ARHGAP20: variants seen among roughly 807,000 people sequenced by gnomAD.
ARHGAP20 encodes rho GTPase-activating protein 20.
In ARHGAP20, 34 loss-of-function variants were observed where a neutral mutation model predicts 73.7. That is an observed-to-expected ratio of 0.46 (90% CI 0.35 to 0.61). The LOEUF (loss-of-function observed/expected upper bound fraction) is 0.61, where lower values mean the gene tolerates loss of function less well. Among genes scored for constraint, ARHGAP20 ranks in the 20% least tolerant of loss-of-function variants. The pLI, the probability that ARHGAP20 is intolerant of heterozygous loss-of-function variation, is 0.00. For synonymous variants in ARHGAP20, 523 were observed against 518.2 expected (o/e 1.01, Z -0.13); for missense variants, 1,314 against 1,420.9 (o/e 0.92, Z 1.21).
chr11:110,678,166 T>G lies in ARHGAP20; in HGVS notation c.188+12381A>C, dbSNP rs115807492. On this transcript the variant is annotated intron_variant, in intron 2 of 14. Transcript: ENST00000683387. ...GAAATGTCCAGAAGAGTCAAAGTTA[T>G]AAACATAGACAACAGTTGAGTGGTT... 3.8e-3 allele frequency among the ~76,000 whole-genome samples: 575 copies of G among 152,240 alleles called. 2 individuals carry two copies. The highest frequency in any genetic ancestry group is 7.1e-3 in the African/African-American group (293 of 41,552).
At chr11:110,710,301 G>A (rs1024589242) in intron 1 of ARHGAP20, among the ~76,000 whole-genome samples, 1 of 152,096 alleles carries the variant, frequency 6.6e-6, no homozygotes, top group African/African-American at 2.4e-5. Flanking sequence ...TCTTAAGGAC[G>A]GTGGCTATGA....
At chr11:110,643,697 G>A (rs1382869186) in intron 2 of ARHGAP20, among the ~76,000 whole-genome samples, 9 of 151,936 alleles carry the variant, frequency 5.9e-5, no homozygotes, top group African/African-American at 2.2e-4. Context: ...GTCAATCTTA[G>A]ATAATGTTCC....
In ARHGAP20 at chr11:110,580,075, A is replaced by G. The variant is rs1423525205; in HGVS notation, c.2871T>C (p.Phe957=). The G allele has an allele frequency of 6.2e-7, 1 of 1,614,134 alleles. No homozygotes were observed. The highest frequency in any genetic ancestry group is 2.2e-5 in the East Asian group (1 of 44,898). ...GSSVSSQDSA[F]SQISEHSVFT... ...ACACAGAGTGTTCAGAAATCTGAGA[A>G]AAAGCACTGTCTTGGGAGCTTACTG... is the stretch of plus-strand genomic sequence containing the variant. Residue 957 remains phenylalanine, a synonymous_variant, in exon 15 of 15, where the codon TTT becomes TTC. Coordinates refer to ENST00000683387, the MANE Select transcript of ARHGAP20 (RefSeq NM_001384657.1).
chr11:110,589,681 A>G lies in ARHGAP20; in HGVS notation c.1305+967T>C, dbSNP rs1268675245. 8 of 985,334 alleles carry G rather than the reference A, an allele frequency of 8.1e-6. No individual in the cohort carries two copies. In the African/African-American group the frequency reaches 1.4e-4, roughly 17 times the overall value. 61.0% of individuals were successfully genotyped at this position (985,334 alleles called of 1,614,324 possible). A position where few individuals can be genotyped will look rare whatever the true frequency, so the allele number is the denominator to read the frequency against. ...AGCATTTCCAAGAATGTGGGGGCAG[A>G]AAACATTTTAGAACTCTCTATCTCT... On this transcript the variant is annotated intron_variant, in intron 11 of 14. Coordinates refer to ENST00000683387, the MANE Select transcript of ARHGAP20 (RefSeq NM_001384657.1).
intron 1 of ARHGAP20, among the ~76,000 whole-genome samples, chr11:110,701,138 A>C (rs1038271454): frequency 6.6e-6 from 1 of 151,690 alleles, no homozygotes; most frequent in Non-Finnish European, 1.5e-5. Flanking sequence ...TGGTATTTCT[A>C]GTTCTAGATC....
At chr11:110,656,443 G>T (rs756389688) in intron 2 of ARHGAP20, among the ~76,000 whole-genome samples, 6 of 152,074 alleles carry the variant, frequency 3.9e-5, no homozygotes, top group Non-Finnish European at 8.8e-5. Context: ...GTGCAGAATC[G>T]AGAGACCAAG....
intron 2 of ARHGAP20, among the ~76,000 whole-genome samples, chr11:110,672,771 A>G (rs1326312597): frequency 6.6e-6 from 1 of 152,234 alleles, no homozygotes; most frequent in African/African-American, 2.4e-5. Context: ...ATTCTCATAC[A>G]TCGTTGATAG....
At chr11:110,696,121 C>CA (rs1950330995) in intron 1 of ARHGAP20, among the ~76,000 whole-genome samples, 1 of 151,538 alleles carries the variant, frequency 6.6e-6, no homozygotes, top group Non-Finnish European at 1.5e-5. Context: ...ACAAGCAAAT[C>CA]TATAGAGACT....
At chr11:110,590,341 G>A (rs1947795354) in intron 11 of ARHGAP20, among the ~76,000 whole-genome samples, 1 of 152,246 alleles carries the variant, frequency 6.6e-6, no homozygotes, top group South Asian at 2.1e-4. Flanking sequence ...TTTGGTATAC[G>A]TGTGTTTTTT....
chr11:110,626,409 T>A (rs567171409), intron 3 of ARHGAP20, among the ~76,000 whole-genome samples: 58 of 152,324 alleles, frequency 3.8e-4, no homozygotes, highest in African/African-American at 1.3e-3. Context: ...TCCATTCTCC[T>A]ATAATAAAAA....
rs542027172 is a variant in ARHGAP20 at position 110,699,417 on chromosome 11, C to T, written c.106-8788G>A. ...ATGTTCTGTAAATGTTTGTTAGGTCCATTTGGTCTACAGTTCAGTTTAAGT... is the reference window on the plus strand; with the variant it reads ...ATGTTCTGTAAATGTTTGTTAGGTCTATTTGGTCTACAGTTCAGTTTAAGT... On this transcript the variant is annotated intron_variant, in intron 1 of 14. Transcript: ENST00000683387. 1.1e-4 allele frequency among the ~76,000 whole-genome samples: 17 copies of T among 151,890 alleles called. No individual in the cohort carries two copies. The South Asian group carries it at 2.1e-3, about 19-fold the overall frequency.
At chr11:110,610,734 G>A (rs1404134142) in intron 7 of ARHGAP20, among the ~76,000 whole-genome samples, 1 of 152,032 alleles carries the variant, frequency 6.6e-6, no homozygotes, top group African/African-American at 2.4e-5. Flanking sequence ...GGAAGAATGT[G>A]GTGTGCACAC....
intron 1 of ARHGAP20, among the ~76,000 whole-genome samples, chr11:110,708,781 T>A (rs975120774): frequency 6.6e-6 from 1 of 152,222 alleles, no homozygotes; most frequent in African/African-American, 2.4e-5. Context: ...GGATGACGAA[T>A]ATATTCCTTA....
chr11:110,611,448 T>C, intron 6 of ARHGAP20, 62 bp from the exon 7 acceptor site: 1 of 852,120 alleles, frequency 1.2e-6, no homozygotes, highest in Non-Finnish European at 1.8e-6. Context: ...GGTTAACAAA[T>C]AATCATTGTC....
intron 2 of ARHGAP20, among the ~76,000 whole-genome samples, chr11:110,689,462 G>T (rs1950201058): frequency 6.6e-6 from 1 of 151,848 alleles, no homozygotes; most frequent in Admixed American, 6.6e-5. Context: ...ATGAATATTT[G>T]AATTTGAAAA....
intron 1 of ARHGAP20, chr11:110,691,044 A>T (rs1950233235): frequency 1.3e-6 from 2 of 1,481,984 alleles, no homozygotes. Context: ...ATTTGGCTTC[A>T]AGAAAAGACA....
intron 13 of ARHGAP20, among the ~76,000 whole-genome samples, chr11:110,583,203 C>T (rs1314099054): frequency 6.6e-6 from 1 of 151,748 alleles, no homozygotes; most frequent in African/African-American, 2.4e-5. Context: ...TGTAATTTTG[C>T]CCAAGACTGT....
At chr11:110,657,732 G>A (rs886079590) in intron 2 of ARHGAP20, among the ~76,000 whole-genome samples, 3 of 151,258 alleles carry the variant, frequency 2.0e-5, no homozygotes, top group East Asian at 1.9e-4. Context: ...CCATCTCTAC[G>A]AAAAATACAA....
At chr11:110,643,656 T>C (rs1949123023) in intron 2 of ARHGAP20, among the ~76,000 whole-genome samples, 2 of 152,106 alleles carry the variant, frequency 1.3e-5, no homozygotes, top group Admixed American at 1.3e-4. Context: ...TTTTTTTAGT[T>C]GATTGAGATT....
Sources: gnomAD v4.1 joint callset for allele counts (sites outside exome capture counted in the v4.1 genomes callset) on GRCh38, gnomAD v4.1.1 for gene constraint, MANE v1.5 for transcripts, NCBI Gene and HGNC (gene_info 2026-07-23, HGNC 2026-07-21) for gene names.